Variants in EXOC6B observed in about 807,000 individuals in gnomAD.
EXOC6B encodes SEC15 homolog B.
EXOC6B carries 54 observed loss-of-function variants against 113.5 expected under a neutral mutation model. The observed-to-expected ratio is 0.48, with a 90% CI of 0.38 to 0.60. EXOC6B has a LOEUF of 0.60. Ranked by LOEUF, EXOC6B falls within the 20% of genes least tolerant of loss-of-function variation. The probability of loss-of-function intolerance (pLI) is 0.00; values close to 1 mark genes in which losing one functional copy is unlikely to be tolerated. For synonymous variants in EXOC6B, 357 were observed against 339.0 expected, an observed-to-expected ratio of 1.05 and a Z score of -0.58; for missense variants, 797 against 977.5, an observed-to-expected ratio of 0.82 and a Z score of 2.46.
chr2:72,689,978 C>A (rs766585811), intron 6 of EXOC6B, among the ~76,000 whole-genome samples: 5 of 152,178 alleles, frequency 3.3e-5, no homozygotes, highest in Non-Finnish European at 7.4e-5. Flanking sequence ...GATGGTTTAT[C>A]AAAACCCAGA....
intron 6 of EXOC6B, among the ~76,000 whole-genome samples, chr2:72,586,244 A>T (rs1453036876): frequency 6.6e-6 from 1 of 152,156 alleles, no homozygotes; most frequent in Non-Finnish European, 1.5e-5. Context: ...AAAAATTGAT[A>T]AATAGGACCT....
At chr2:72,206,401 C>T (rs1196714246) in intron 20 of EXOC6B, among the ~76,000 whole-genome samples, 1 of 152,142 alleles carries the variant, frequency 6.6e-6, no homozygotes. Context: ...CTTAAGTACC[C>T]ATCTCCTTTA....
rs1681711300 is a variant in EXOC6B, at chr2:72,746,604, C to T, written c.114-5135G>A. Among the ~76,000 whole-genome samples the T allele has an allele frequency of 3.3e-5, 5 of 152,012 alleles. No individual in the cohort carries two copies. In the South Asian group the frequency reaches 1.0e-3, roughly 32 times the overall value. On this transcript the variant is annotated intron_variant, in intron 1 of 21. Coordinates refer to ENST00000272427, the MANE Select transcript of EXOC6B (RefSeq NM_015189.3). ...TATTTACCATTCACCTGTACCAAAC[C>T]ACTACAGGATTATATCACTTGCTTA...
intron 6 of EXOC6B, among the ~76,000 whole-genome samples, chr2:72,632,869 T>C (rs562307374): frequency 2.0e-5 from 3 of 152,058 alleles, no homozygotes; most frequent in South Asian, 2.1e-4. Flanking sequence ...TTTGATAGAG[T>C]TTGAGTCTCA....
chr2:72,459,559 T>C (rs1697488607), intron 18 of EXOC6B, among the ~76,000 whole-genome samples: 2 of 152,050 alleles, frequency 1.3e-5, no homozygotes, highest in African/African-American at 2.4e-5. Context: ...TATACACCAA[T>C]AACAGACAAA....
intron 20 of EXOC6B, among the ~76,000 whole-genome samples, chr2:72,236,342 T>C (rs1160947203): frequency 5.3e-5 from 8 of 152,174 alleles, no homozygotes; most frequent in Admixed American, 5.2e-4. Context: ...CCTGGTTTTC[T>C]CCGAGCTTAG....
At chr2:72,222,406 T>A (rs974379212) in intron 20 of EXOC6B, among the ~76,000 whole-genome samples, 30 of 152,202 alleles carry the variant, frequency 2.0e-4, no homozygotes, top group African/African-American at 6.8e-4. Context: ...ATGATTATAT[T>A]TTTATAGGCA....
intron 19 of EXOC6B, among the ~76,000 whole-genome samples, chr2:72,356,337 C>T (rs1572961418): frequency 6.6e-6 from 1 of 152,218 alleles, no homozygotes; most frequent in East Asian, 1.9e-4. Flanking sequence ...CACAGTGCTT[C>T]AGATCTTAAC....
chr2:72,212,937 C>T (rs1559021918), intron 20 of EXOC6B, among the ~76,000 whole-genome samples: 1 of 150,710 alleles, frequency 6.6e-6, no homozygotes, highest in Non-Finnish European at 1.5e-5. Flanking sequence ...CTGTCACTTT[C>T]CCATCAAGAG....
chr2:72,466,228 C>T (rs543477080), intron 17 of EXOC6B, among the ~76,000 whole-genome samples: 1 of 151,660 alleles, frequency 6.6e-6, no homozygotes, highest in East Asian at 1.9e-4. Flanking sequence ...GCCTGTAATC[C>T]CAGCTACTCA....
chr2:72,486,727 G>A (rs1182436387), intron 16 of EXOC6B, among the ~76,000 whole-genome samples: 1 of 152,054 alleles, frequency 6.6e-6, no homozygotes, highest in Non-Finnish European at 1.5e-5. Flanking sequence ...CCCTTTAACT[G>A]TGTATTCTAT....
At chr2:72,535,910 G>GT (rs1702264835) in intron 8 of EXOC6B, among the ~76,000 whole-genome samples, 1 of 151,662 alleles carries the variant, frequency 6.6e-6, no homozygotes, top group African/African-American at 2.4e-5. Flanking sequence ...TCTTCCACCA[G>GT]TGTTTTATGG....
chr2:72,594,353 G>T (rs934754346), intron 6 of EXOC6B, among the ~76,000 whole-genome samples: 2 of 152,012 alleles, frequency 1.3e-5, no homozygotes, highest in African/African-American at 4.8e-5. Context: ...AGGAGAACAG[G>T]ATATATCCAA....
chr2:72,824,983 G>C (rs1230715890), intron 1 of EXOC6B, among the ~76,000 whole-genome samples: 1 of 152,168 alleles, frequency 6.6e-6, no homozygotes, highest in Non-Finnish European at 1.5e-5. Context: ...GAGAGTAATA[G>C]AACCTACCTA....
At chr2:72,272,393 C>T (rs1264605557) in intron 20 of EXOC6B, among the ~76,000 whole-genome samples, 1 of 152,208 alleles carries the variant, frequency 6.6e-6, no homozygotes, top group South Asian at 2.1e-4. Flanking sequence ...ATTCATTCAG[C>T]AAATCCTGTG....
At chr2:72,224,445 C>A (rs904797130) in intron 20 of EXOC6B, among the ~76,000 whole-genome samples, 3 of 151,924 alleles carry the variant, frequency 2.0e-5, no homozygotes, top group East Asian at 1.9e-4. Flanking sequence ...CTACTCAATT[C>A]TCAGGAAAAA....
chr2:72,243,093 ACCCGAGACTGGGTAATTTAT>A (rs1475043019), intron 20 of EXOC6B, among the ~76,000 whole-genome samples: 1 of 152,118 alleles, frequency 6.6e-6, no homozygotes, highest in African/African-American at 2.4e-5. Flanking sequence ...ATAAGGACAT[ACCCGAGACTGGGTAATTTAT>A]AAAGAAAAGG....
At chr2:72,403,158 G>C (rs1693461984) in intron 18 of EXOC6B, among the ~76,000 whole-genome samples, 1 of 152,134 alleles carries the variant, frequency 6.6e-6, no homozygotes, top group Admixed American at 6.5e-5. Context: ...GCATGCACAT[G>C]GCTTTATAAA....
At chr2:72,768,414 C>T (rs182852584) in intron 1 of EXOC6B, among the ~76,000 whole-genome samples, 16 of 151,676 alleles carry the variant, frequency 1.1e-4, no homozygotes, top group African/African-American at 3.9e-4. Flanking sequence ...GCCGCAGCCT[C>T]CCGAGTAGCT....
Sources: gnomAD v4.1 joint callset for allele counts (sites outside exome capture counted in the v4.1 genomes callset) on GRCh38, gnomAD v4.1.1 for gene constraint, MANE v1.5 for transcripts, NCBI Gene and HGNC (gene_info 2026-07-23, HGNC 2026-07-21) for gene names.